Variants in TNRC6B observed in about 807,000 individuals in gnomAD.
TNRC6B encodes trinucleotide repeat-containing gene 6B protein.
Under a neutral mutation model 203.6 loss-of-function variants are expected in TNRC6B, and 52 were observed. The ratio of observed to expected loss-of-function variants is 0.26; its 90% CI spans 0.20 to 0.32. The LOEUF (loss-of-function observed/expected upper bound fraction) is 0.32. Ranked by LOEUF, TNRC6B falls within the 10% of genes least tolerant of loss-of-function variation. TNRC6B has a pLI of 1.00. For synonymous variants in TNRC6B, 838 were observed against 845.7 expected (o/e 0.99, Z 0.16); for missense variants, 1,923 against 2,286.2 (o/e 0.84, Z 3.24).
intron 1 of TNRC6B, among the ~76,000 whole-genome samples, chr22:40,213,146 C>A (rs1013168935): frequency 8.6e-4 from 131 of 152,120 alleles, no homozygotes; most frequent in Non-Finnish European, 1.5e-3. Flanking sequence ...AAACTCCTGC[C>A]ACACCTGGAG....
chr22:40,314,625 T>C lies in TNRC6B; in HGVS notation c.4679-658T>C, dbSNP rs181632337. The stretch of plus-strand genomic sequence containing the variant: ...AAAGCCTTTGCTGCAAGCCCAGCGT[T>C]CTTGATCCCCTCTGCATATTGAGCT... On this transcript the variant is annotated intron_variant, in intron 19 of 22. Coordinates refer to ENST00000454349, the MANE Select transcript of TNRC6B (RefSeq NM_001162501.2). Among the ~76,000 whole-genome samples, 264 of 152,352 alleles carry C rather than the reference T, an allele frequency of 1.7e-3. 3 individuals carry two copies. The highest frequency in any genetic ancestry group is 1.9e-3 in the Non-Finnish European group (132 of 68,032).
At chr22:40,125,887 G>C (rs1296730908) in intron 3 of TNRC6B, 15 of 1,606,346 alleles carry the variant, frequency 9.3e-6, no homozygotes, top group Non-Finnish European at 1.3e-5. Flanking sequence ...GAAAGGTACA[G>C]TTTGGGTAGA....
In TNRC6B at chr22:40,227,441, C is replaced by G. The variant is rs2069806389; in HGVS notation, c.6-18574C>G. On this transcript the variant is annotated intron_variant, in intron 1 of 22. Coordinates refer to ENST00000454349, the MANE Select transcript of TNRC6B (RefSeq NM_001162501.2). ...AGTGCAGTGGTGCCATCTTGGCCTC[C>G]CAGGTTCAAGCAATTCTGCTGCCTC... 2.0e-5 allele frequency among the ~76,000 whole-genome samples: 3 copies of G among 149,020 alleles called. 1 individual carries two copies. The South Asian group carries it at 6.4e-4, about 32-fold the overall frequency.
chr22:40,099,934 G>A (rs2068220096), intron 1 of TNRC6B, among the ~76,000 whole-genome samples: 2 of 152,004 alleles, frequency 1.3e-5, no homozygotes, highest in South Asian at 2.1e-4. Flanking sequence ...TGTATTTTTA[G>A]CAGAGATGGG....
Position 40,333,932 on chromosome 22 carries a change from C to T in TNRC6B, c.*10691C>T, listed in dbSNP as rs2044007827. On this transcript the variant is annotated 3_prime_UTR_variant, in exon 23 of 23. Transcript: ENST00000454349. Reference sequence around the variant, plus strand: ...TCTTTAAGATAAACCCTTTACTAGTCAAGAAGCCCTTTTCAGTTGGATCTC... The same window carrying T: ...TCTTTAAGATAAACCCTTTACTAGTTAAGAAGCCCTTTTCAGTTGGATCTC... The T allele has an allele frequency of 6.5e-6, 1 of 152,744 alleles. No homozygotes were observed. Among genetic ancestry groups the T allele is most frequent in the East Asian group, 1.9e-4 (1 of 5,186 alleles). The allele number at this position is 152,744 out of a possible 1,614,324, so 9.5% of individuals were successfully genotyped here. A position where few individuals can be genotyped will look rare whatever the true frequency, so the allele number is the denominator to read the frequency against.
At chr22:40,160,408 G>A (rs1054733850) in intron 4 of TNRC6B, among the ~76,000 whole-genome samples, 11 of 149,786 alleles carry the variant, frequency 7.3e-5, no homozygotes, top group Non-Finnish European at 1.3e-4. Flanking sequence ...CCTGGGAGGC[G>A]GAGGTTGCAG....
chr22:40,298,211 A>G (rs2070971926), intron 12 of TNRC6B, among the ~76,000 whole-genome samples: 1 of 152,216 alleles, frequency 6.6e-6, no homozygotes, highest in African/African-American at 2.4e-5. Flanking sequence ...TGAGGGAACA[A>G]AAGCATGTTT....
chr22:40,266,354 C>G lies in TNRC6B; in HGVS notation c.2124C>G (p.Asn708Lys). 1 of 1,610,806 alleles carries G rather than the reference C, an allele frequency of 6.2e-7. No homozygotes were observed. Among genetic ancestry groups the G allele is most frequent in the Middle Eastern group, 1.7e-4 (1 of 6,058 alleles). ...ACTACAAGAACAACAACTCTTCCAACTGGGGAGGAGGACGACCTGATGAAA... is the reference window on the plus strand; with the variant it reads ...ACTACAAGAACAACAACTCTTCCAAGTGGGGAGGAGGACGACCTGATGAAA... ...WNDYKNNNSS[N>K]WGGGRPDEKT... Residue 708 changes from asparagine to lysine, a missense_variant, in exon 5 of 23, where the codon AAC (asparagine) becomes AAG (lysine). Physicochemically the swap from Asn to Lys is moderately conservative, Grantham distance 94. Transcript: ENST00000454349.
chr22:40,060,017 C>T (rs1403466307), intron 1 of TNRC6B, among the ~76,000 whole-genome samples: 1 of 151,366 alleles, frequency 6.6e-6, no homozygotes, highest in Non-Finnish European at 1.5e-5. Context: ...AGAGATGGGA[C>T]GGGGTTTCAC....
intron 1 of TNRC6B, among the ~76,000 whole-genome samples, chr22:40,221,959 C>T (rs529840815): frequency 1.3e-5 from 2 of 152,124 alleles, no homozygotes; most frequent in Admixed American, 6.5e-5. Context: ...GTGATGTTGT[C>T]CTGGCCCACC....
rs963306241 is a variant in TNRC6B, at chr22:40,108,066, A to G, written c.-120-8989A>G. On this transcript the variant is annotated intron_variant, in intron 1 of 23. Transcript: ENST00000301923. Reference sequence around the variant, plus strand: ...ATTTGCTTTTTAAGACAGCCAGATCAAGAAATGTCTGAAGACTTTGAGACT... The same window carrying G: ...ATTTGCTTTTTAAGACAGCCAGATCGAGAAATGTCTGAAGACTTTGAGACT... Among the ~76,000 whole-genome samples, 3 of 152,108 alleles carry G rather than the reference A, an allele frequency of 2.0e-5. No homozygotes were observed. The East Asian group carries it at 5.8e-4, about 29-fold the overall frequency.
chr22:40,335,162 C>CTTTTTT lies in TNRC6B; in HGVS notation c.*11943_*11948dup, dbSNP rs60665459. 1.8e-5 allele frequency: 1 copy of CTTTTTT among 54,878 alleles called. No individual in the cohort carries two copies. The highest frequency in any genetic ancestry group is 3.7e-5 in the Non-Finnish European group (1 of 27,392). The allele number at this position is 54,878 out of a possible 1,614,324, so 3.4% of individuals were successfully genotyped here. A position where few individuals can be genotyped will look rare whatever the true frequency, so the allele number is the denominator to read the frequency against. On this transcript the variant is annotated 3_prime_UTR_variant, in exon 23 of 23. Coordinates refer to ENST00000454349, the MANE Select transcript of TNRC6B (RefSeq NM_001162501.2). ...GAGAAAAGGGAGGATGTGGCATTGT[C>CTTTTTT]TTTTTTTTTTTTTTTTTTTTTTTTT...
At chr22:40,269,214 A>C (rs1294923877) in intron 5 of TNRC6B, among the ~76,000 whole-genome samples, 1 of 128,004 alleles carries the variant, frequency 7.8e-6, no homozygotes, top group Non-Finnish European at 1.6e-5. Context: ...GCTCACTGCA[A>C]CCTCCACCTC....
intron 15 of TNRC6B, 113 bp downstream of exon 15, chr22:40,301,446 A>G: frequency 8.7e-7 from 1 of 1,148,848 alleles, no homozygotes; most frequent in Non-Finnish European, 1.2e-6. Context: ...AAGGTAGGTA[A>G]ATATTCTTAT....
intron 3 of TNRC6B, among the ~76,000 whole-genome samples, chr22:40,127,864 C>CA (rs2068507877): frequency 1.3e-5 from 2 of 151,948 alleles, no homozygotes; most frequent in African/African-American, 4.8e-5. Flanking sequence ...AAGCCAGACC[C>CA]TGCCTCAAAA....
intron 15 of TNRC6B, among the ~76,000 whole-genome samples, chr22:40,304,198 A>G (rs1008972250): frequency 6.6e-6 from 1 of 152,260 alleles, no homozygotes; most frequent in Non-Finnish European, 1.5e-5. Flanking sequence ...ATATGTCTTG[A>G]TAAAGCCTCT....
At chr22:40,111,198 A>G (rs1432552742) in intron 1 of TNRC6B, among the ~76,000 whole-genome samples, 1 of 152,232 alleles carries the variant, frequency 6.6e-6, no homozygotes, top group East Asian at 1.9e-4. Flanking sequence ...TCCAGGTGCA[A>G]ACAGCACGTT....
At chr22:40,078,714 T>C (rs1439049472) in intron 1 of TNRC6B, among the ~76,000 whole-genome samples, 2 of 151,716 alleles carry the variant, frequency 1.3e-5, no homozygotes, top group African/African-American at 2.4e-5. Context: ...TGCCTCAGCC[T>C]CCCAAATAGC....
At position 40,265,276 on chromosome 22, in the gene TNRC6B, A is replaced by G; in HGVS notation, c.1046A>G (p.Lys349Arg). 6.2e-7 allele frequency: 1 copy of G among 1,614,054 alleles called. No individual in the cohort carries two copies. The highest frequency in any genetic ancestry group is 8.5e-7 in the Non-Finnish European group (1 of 1,179,900). ...VGQTSREQQS[K>R]MENAGVNFVV... ...CAGACATCCAGGGAACAGCAGTCAA[A>G]GATGGAAAATGCGGGTGTTAATTTT... Residue 349 changes from lysine (K) to arginine (R), a missense_variant, in exon 5 of 23, where the codon AAG becomes AGG. This residue lies in a region of TNRC6B where 614 missense variants were observed against 587.7 expected (regional missense o/e 1.04). Coordinates refer to ENST00000454349, the MANE Select transcript of TNRC6B (RefSeq NM_001162501.2).
Sources: gnomAD v4.1 joint callset for allele counts (sites outside exome capture counted in the v4.1 genomes callset) on GRCh38, gnomAD v4.1.1 for gene constraint, gnomAD v4.1.1 regional missense constraint, MANE v1.5 for transcripts, NCBI Gene and HGNC (gene_info 2026-07-23, HGNC 2026-07-21) for gene names.